The following KCNAB1 variants were observed in gnomAD, a reference collection of about 807,000 sequenced individuals.
The protein encoded by KCNAB1 is voltage-gated potassium channel subunit beta-1.
Under a neutral mutation model 64.6 loss-of-function variants are expected in KCNAB1, and 35 were observed. That is an observed-to-expected ratio of 0.54 (90% CI 0.41 to 0.72). The LOEUF (loss-of-function observed/expected upper bound fraction) is 0.72, where lower values mean the gene tolerates loss of function less well. KCNAB1 is among the 30% of genes least tolerant of loss of function. KCNAB1 has a pLI of 0.00. For synonymous variants in KCNAB1, 177 were observed against 183.8 expected (o/e 0.96, Z 0.30); for missense variants, 401 against 512.9 (o/e 0.78, Z 2.11).
At chr3:156,353,074 G>A (rs1200280835) in intron 1 of KCNAB1, among the ~76,000 whole-genome samples, 2 of 152,252 alleles carry the variant, frequency 1.3e-5, no homozygotes, top group Admixed American at 6.5e-5. Context: ...TACCAAAGGA[G>A]AGAACTCTGC....
chr3:156,461,844 A>G (rs1031315911), intron 5 of KCNAB1, among the ~76,000 whole-genome samples: 1 of 152,240 alleles, frequency 6.6e-6, no homozygotes, highest in Non-Finnish European at 1.5e-5. Flanking sequence ...ATTATACTCC[A>G]TAATGTTTAT....
At position 156,194,531 on chromosome 3, in the gene KCNAB1, G is replaced by A. The variant is rs190836983; in HGVS notation, c.275+73645G>A. 1.0e-3 allele frequency among the ~76,000 whole-genome samples: 156 copies of A among 152,052 alleles called. 1 individual carries two copies. The highest frequency in any genetic ancestry group is 3.6e-3 in the African/African-American group (150 of 41,502). ...TTTTGGCACTTATTTCAAGGAATTT[G>A]ATTATGGTTTGACTTGGTATAGCTT... On this transcript the variant is annotated intron_variant, in intron 1 of 13. Transcript: ENST00000490337.
At chr3:156,164,296 C>T (rs1018179659) in intron 1 of KCNAB1, among the ~76,000 whole-genome samples, 2 of 151,868 alleles carry the variant, frequency 1.3e-5, no homozygotes, top group Non-Finnish European at 1.5e-5. Context: ...TATATTATAC[C>T]CCATTTGATC....
intron 1 of KCNAB1, among the ~76,000 whole-genome samples, chr3:156,212,369 G>A (rs548097282): frequency 5.9e-5 from 9 of 152,318 alleles, no homozygotes; most frequent in African/African-American, 2.2e-4. Flanking sequence ...TATGAAAGAT[G>A]ATGGGGTAGA....
At chr3:156,214,973 T>C (rs952430523) in intron 1 of KCNAB1, among the ~76,000 whole-genome samples, 2 of 152,248 alleles carry the variant, frequency 1.3e-5, no homozygotes, top group African/African-American at 2.4e-5. Context: ...CCACCTCTAG[T>C]ATTATTCTTT....
chr3:156,423,950 A>G lies in KCNAB1; in HGVS notation c.319+2291A>G, dbSNP rs73873361. Among the ~76,000 whole-genome samples the G allele has an allele frequency of 4.9e-3, 739 of 152,304 alleles. 6 individuals are homozygous for G. Among genetic ancestry groups the G allele is most frequent in the African/African-American group, 0.016 (673 of 41,566 alleles). ...AACATTAGAGACAGTGGTTGGAAGGATAGAAAGTGGTTGAAAAGGGAAACA... is the reference window on the plus strand; with the variant it reads ...AACATTAGAGACAGTGGTTGGAAGGGTAGAAAGTGGTTGAAAAGGGAAACA... On this transcript the variant is annotated intron_variant, in intron 2 of 13. Coordinates refer to ENST00000490337, the MANE Select transcript of KCNAB1 (RefSeq NM_172160.3).
chr3:156,423,509 G>A (rs1027226201), intron 2 of KCNAB1, among the ~76,000 whole-genome samples: 1 of 152,198 alleles, frequency 6.6e-6, no homozygotes, highest in East Asian at 1.9e-4. Flanking sequence ...GGATGAGAAG[G>A]AAGTGTTAGA....
intron 1 of KCNAB1, among the ~76,000 whole-genome samples, chr3:156,171,183 T>TCACACA (rs1273648068): frequency 3.9e-4 from 29 of 74,962 alleles, no homozygotes; most frequent in Admixed American, 5.7e-4. Flanking sequence ...GTTAGAAACT[T>TCACACA]CACGCACACA....
intron 1 of KCNAB1, among the ~76,000 whole-genome samples, chr3:156,136,940 A>C (rs1011440568): frequency 6.6e-6 from 1 of 152,216 alleles, no homozygotes; most frequent in African/African-American, 2.4e-5. Context: ...TTAAATCTCA[A>C]GGGCCAGTCT....
At chr3:156,488,183 T>C (rs1334304910) in intron 8 of KCNAB1, among the ~76,000 whole-genome samples, 3 of 151,460 alleles carry the variant, frequency 2.0e-5, no homozygotes, top group East Asian at 1.9e-4. Context: ...GAGAACAACA[T>C]AGACAAAGAT....
intron 1 of KCNAB1, among the ~76,000 whole-genome samples, chr3:156,246,020 C>G (rs186318003): frequency 1.3e-5 from 2 of 151,978 alleles, no homozygotes; most frequent in East Asian, 3.9e-4. Flanking sequence ...ACATTCTCTT[C>G]TTGGAGAGAA....
At chr3:156,291,627 A>G in intron 1 of KCNAB1, 5 of 1,303,958 alleles carry the variant, frequency 3.8e-6, no homozygotes, top group South Asian at 1.6e-5. Flanking sequence ...CAGCCCGGGA[A>G]GATTTGCAAA....
intron 6 of KCNAB1, 23 bp downstream of exon 6, chr3:156,463,769 C>T (rs1350323595): frequency 6.4e-7 from 1 of 1,574,640 alleles, no homozygotes; most frequent in East Asian, 2.3e-5. Context: ...TCCTACTAAA[C>T]AGAAAACAAC....
intron 1 of KCNAB1, among the ~76,000 whole-genome samples, chr3:156,262,943 A>C (rs1252845461): frequency 6.6e-6 from 1 of 151,380 alleles, no homozygotes; most frequent in Non-Finnish European, 1.5e-5. Flanking sequence ...TTTTGTTGTG[A>C]AGTTGTTCAT....
At chr3:156,263,884 G>A (rs750596163) in intron 1 of KCNAB1, among the ~76,000 whole-genome samples, 38 of 152,140 alleles carry the variant, frequency 2.5e-4, no homozygotes, top group Non-Finnish European at 4.7e-4. Context: ...TGCAGATAGG[G>A]AGGGCCAATT....
intron 1 of KCNAB1, among the ~76,000 whole-genome samples, chr3:156,312,198 A>G (rs1029800122): frequency 2.0e-5 from 3 of 152,226 alleles, no homozygotes; most frequent in South Asian, 4.1e-4. Flanking sequence ...ATTGCTGAGT[A>G]AAATAGGCGA....
intron 1 of KCNAB1, among the ~76,000 whole-genome samples, chr3:156,181,194 G>A (rs1712790097): frequency 6.6e-6 from 1 of 152,154 alleles, no homozygotes; most frequent in South Asian, 2.1e-4. Flanking sequence ...GACATACTGA[G>A]GATTAGGCCT....
chr3:156,295,132 A>G (rs1029791141), intron 1 of KCNAB1, among the ~76,000 whole-genome samples: 4 of 151,260 alleles, frequency 2.6e-5, no homozygotes, highest in East Asian at 1.9e-4. Flanking sequence ...CTATGAAGTT[A>G]TTTTTTTTTG....
At chr3:156,302,788 A>T (rs997952295) in intron 1 of KCNAB1, among the ~76,000 whole-genome samples, 2 of 152,170 alleles carry the variant, frequency 1.3e-5, no homozygotes, top group African/African-American at 4.8e-5. Flanking sequence ...TTAAGGGGTC[A>T]ACATTAATTG....
Sources: gnomAD v4.1 joint callset for allele counts (sites outside exome capture counted in the v4.1 genomes callset) on GRCh38, gnomAD v4.1.1 for gene constraint, MANE v1.5 for transcripts, NCBI Gene and HGNC (gene_info 2026-07-23, HGNC 2026-07-21) for gene names.